AGRN: variants seen among roughly 807,000 people sequenced by gnomAD.
AGRN encodes agrin proteoglycan.
AGRN carries 106 observed loss-of-function variants against 211.0 expected under a neutral mutation model. The ratio of observed to expected loss-of-function variants is 0.50; its 90% CI spans 0.43 to 0.59. The LOEUF is 0.59. Among genes scored for constraint, AGRN ranks in the 20% least tolerant of loss-of-function variants. AGRN has a pLI of 0.00. For synonymous variants in AGRN, 1,525 were observed against 1,332.5 expected, an observed-to-expected ratio of 1.14 and a Z score of -3.15; for missense variants, 3,040 against 2,982.6, an observed-to-expected ratio of 1.02 and a Z score of -0.45.
chr1:1,034,080 C>T (rs1219033168), intron 2 of AGRN: 15 of 974,422 alleles, frequency 1.5e-5, no homozygotes, highest in Non-Finnish European at 1.8e-5. Flanking sequence ...TTTCTTCTCG[C>T]TCCCGACGCG....
chr1:1,053,325 TG>T, intron 33 of AGRN: 1 of 757,592 alleles, frequency 1.3e-6, no homozygotes, highest in Non-Finnish European at 1.8e-6. Flanking sequence ...GGCTCTTTGG[TG>T]GGCGGCCAGT....
chr1:1,035,743 T>C (rs982276558), intron 3 of AGRN, among the ~76,000 whole-genome samples: 1 of 151,764 alleles, frequency 6.6e-6, no homozygotes, highest in African/African-American at 2.4e-5. Flanking sequence ...CAGGGAAGGC[T>C]GAGCTGGGGG....
At chr1:1,037,307 G>C (rs116780975) in intron 3 of AGRN, among the ~76,000 whole-genome samples, 3,438 of 152,296 alleles carry the variant, frequency 0.023, 88 homozygotes, top group African/African-American at 0.064. Context: ...AGGCTGGGGA[G>C]TGTCTCCTTT....
intron 22 of AGRN, 49 bp downstream of exon 22, chr1:1,047,944 A>G (rs957815314): frequency 3.5e-5 from 55 of 1,589,294 alleles, no homozygotes; most frequent in Non-Finnish European, 4.5e-5. Context: ...TCCTCTGCCC[A>G]TGCCCCTGCC....
rs201353978 is a variant in AGRN, at chr1:1,049,968, C to G, written c.4810C>G (p.Arg1604Gly). The change falls in exon 27 of 36, where the codon CGT (arginine) becomes GGT (glycine). Residue 1604 changes from arginine to glycine, a missense_variant. Physicochemically the swap from Arg to Gly is moderately radical, Grantham distance 125 (BLOSUM62 -2). Transcript: ENST00000379370. ...PNPCHGAAPCRVLPEGGAQCE... is the reference protein window; with the variant it reads ...PNPCHGAAPCGVLPEGGAQCE... ...CCCCTGCCATGGGGCGGCGCCCTGC[C>G]GTGTGCTGCCCGAGGGTGGTGCTCA... 28 of 1,607,470 alleles carry G rather than the reference C, an allele frequency of 1.7e-5. No individual in the cohort carries two copies.
At chr1:1,024,849 C>A (rs1174252743) in intron 2 of AGRN, among the ~76,000 whole-genome samples, 1 of 152,224 alleles carries the variant, frequency 6.6e-6, no homozygotes, top group African/African-American at 2.4e-5. Context: ...GTCCCTCCCT[C>A]TGCGCCACCT....
At chr1:1,050,101 G>C in intron 27 of AGRN, 64 bp downstream of exon 27, 1 of 1,569,584 alleles carries the variant, frequency 6.4e-7, no homozygotes, top group Non-Finnish European at 8.7e-7. Flanking sequence ...GCGGGTACAG[G>C]TTCCAGGTAG....
At position 1,051,454 on chromosome 1, in the gene AGRN, T is replaced by C. The variant is rs2100688589; in HGVS notation, c.5372T>C (p.Val1791Ala). The change falls in exon 32 of 36, where the codon GTC becomes GCC. Residue 1791 changes from valine to alanine, a missense_variant and splice_region_variant. By Grantham distance (64) the Val-to-Ala change is moderately conservative. This residue lies in a region of AGRN where 1,537 missense variants were observed against 1,505.0 expected (regional missense o/e 1.02). Coordinates refer to ENST00000379370, the MANE Select transcript of AGRN (RefSeq NM_198576.4). Reference protein sequence around the residue: ...SSGFDGAIQLVSLGGRQLLTP... With the variant: ...SSGFDGAIQLASLGGRQLLTP... The stretch of plus-strand genomic sequence containing the variant: ...CAAGGCCCTCACCCTGCCCTGCAGG[T>C]CTCCCTCGGAGGCCGCCAGCTGCTG... 2 of 1,554,666 alleles carry C rather than the reference T, an allele frequency of 1.3e-6. No individual in the cohort carries two copies. The highest frequency in any genetic ancestry group is 1.7e-6 in the Non-Finnish European group (2 of 1,154,898).
chr1:1,046,646 C>T lies in AGRN; in HGVS notation c.3161C>T (p.Ala1054Val), dbSNP rs377535426. 2.6e-5 allele frequency: 42 copies of T among 1,596,644 alleles called. No individual in the cohort carries two copies. Among genetic ancestry groups the T allele is most frequent in the African/African-American group, 2.5e-4 (19 of 74,880 alleles). ...CCCTCCCCTGCACCCAGCCTGGTGGCGTCCGCCTTTGGTGAATCTGGCAGC... is the reference window on the plus strand; with the variant it reads ...CCCTCCCCTGCACCCAGCCTGGTGGTGTCCGCCTTTGGTGAATCTGGCAGC... ...TAPSPAPSLV[A>V]SAFGESGSTD... The change falls in exon 18 of 36, where the codon GCG becomes GTG. Residue 1054 changes from alanine to valine, a missense_variant. By Grantham distance (64) the Ala-to-Val change is moderately conservative (BLOSUM62 0). Coordinates refer to ENST00000379370, the MANE Select transcript of AGRN (RefSeq NM_198576.4).
Position 1,024,961 on chromosome 1 carries a change from C to A in AGRN, c.463+2499C>A, listed in dbSNP as rs779863560. Among the ~76,000 whole-genome samples, 151 of 152,176 alleles carry A rather than the reference C, an allele frequency of 9.9e-4. 3 individuals carry two copies. Among genetic ancestry groups the A allele is most frequent in the Middle Eastern group, 6.8e-3 (2 of 292 alleles). On this transcript the variant is annotated intron_variant, in intron 2 of 35. Transcript: ENST00000379370. ...CGCAGTGCCAGCTGCCCAGGGCTGG[C>A]GGCTGAGCGGGCGACTCCTCCGGCC...
At chr1:1,026,317 G>C (rs758682028) in intron 2 of AGRN, among the ~76,000 whole-genome samples, 3 of 152,168 alleles carry the variant, frequency 2.0e-5, no homozygotes, top group Non-Finnish European at 4.4e-5. Context: ...AGGGGAGAAG[G>C]AGGTTAGGGT....
chr1:1,020,362 T>C lies in AGRN; in HGVS notation c.190T>C (p.Tyr64His). 6.7e-7 allele frequency: 1 copy of C among 1,497,918 alleles called. No individual in the cohort carries two copies. The highest frequency in any genetic ancestry group is 2.9e-5 in the East Asian group (1 of 35,068). 92.8% of individuals were successfully genotyped at this position (1,497,918 alleles called of 1,614,324 possible). A position where few individuals can be genotyped will look rare whatever the true frequency, so the allele number is the denominator to read the frequency against. Residue 64 changes from tyrosine (Y) to histidine (H), a missense_variant, in exon 1 of 36, where the codon TAC (tyrosine) becomes CAC (histidine). Around this residue, in one of 3 missense-constraint regions of AGRN, gnomAD observed 1,498 missense variants for 1,457.8 expected, o/e 1.03. Coordinates refer to ENST00000379370, the MANE Select transcript of AGRN (RefSeq NM_198576.4). ...CAACGTGGACCCGGTGCAGCACACG[T>C]ACTCCTGCAAGGTGCGCCCACCCGG... The part of the protein sequence containing the change: ...ILNVDPVQHT[Y>H]SCKVRVWRYL...
chr1:1,040,941 G>A, intron 4 of AGRN, 61 bp downstream of exon 4: 2 of 1,173,456 alleles, frequency 1.7e-6, no homozygotes, highest in Non-Finnish European at 1.1e-6. Flanking sequence ...GATGGAGCGA[G>A]GCTGGGAGGG....
intron 33 of AGRN, 190 bp from the exon 34 acceptor site, chr1:1,053,563 C>T: frequency 6.6e-7 from 1 of 1,519,772 alleles, no homozygotes; most frequent in South Asian, 1.2e-5. Flanking sequence ...TCTCTCTGAT[C>T]TCTCTCTGCC....
chr1:1,025,105 C>T (rs553930477), intron 2 of AGRN, among the ~76,000 whole-genome samples: 6 of 152,284 alleles, frequency 3.9e-5, no homozygotes, highest in South Asian at 2.1e-4. Flanking sequence ...CCGGCCAGGC[C>T]GCCCGGGGCC....
intron 27 of AGRN, 52 bp downstream of exon 27, chr1:1,050,089 G>A: frequency 6.4e-7 from 1 of 1,553,682 alleles, no homozygotes; most frequent in Non-Finnish European, 8.7e-7. Context: ...TTGAACGTTT[G>A]GGCGGGTACA....
At position 1,044,025 on chromosome 1, in the gene AGRN, T is replaced by C; in HGVS notation, c.1999+2T>C. ...CCCGGGCAGGGCCGTGCGAGCAGGG[T>C]AGGCCGGGGGACGCTGGCGAAAACT... On this transcript the variant is annotated splice_donor_variant, in intron 10 of 35. Coordinates refer to ENST00000379370, the MANE Select transcript of AGRN (RefSeq NM_198576.4). LOFTEE classifies it high-confidence loss of function. The C allele has an allele frequency of 6.2e-7, 1 of 1,610,022 alleles. No homozygotes were observed. The highest frequency in any genetic ancestry group is 8.5e-7 in the Non-Finnish European group (1 of 1,179,444).
intron 2 of AGRN, among the ~76,000 whole-genome samples, chr1:1,027,730 G>C (rs906468565): frequency 3.9e-5 from 6 of 152,172 alleles, no homozygotes; most frequent in African/African-American, 1.4e-4. Context: ...CCCCTGCCCA[G>C]ATGGGACTCT....
chr1:1,047,397 G>A lies in AGRN; in HGVS notation c.3459G>A (p.Glu1153=), dbSNP rs1645129463. 6.2e-7 allele frequency: 1 copy of A among 1,612,560 alleles called. No homozygotes were observed. Among genetic ancestry groups the A allele is most frequent in the Non-Finnish European group, 8.5e-7 (1 of 1,179,706 alleles). The change falls in exon 20 of 36, where the codon GAG becomes GAA. Residue 1153 remains glutamate (E), a synonymous_variant. Transcript: ENST00000379370. The part of the protein sequence containing the change: ...VEGQELFYTP[E]MADPKSELFG... ...GCCAGGAGCTGTTCTACACGCCCGA[G>A]ATGGCTGACCCCAAGTCAGAACTGT...
Sources: allele counts gnomAD v4.1 joint callset (sites outside exome capture counted in the v4.1 genomes callset), GRCh38; gene constraint gnomAD v4.1.1; regional missense constraint gnomAD v4.1.1; transcripts MANE v1.5; gene names NCBI Gene and HGNC (gene_info 2026-07-23, HGNC 2026-07-21).